Variants in INTS4 observed in about 807,000 individuals in gnomAD.
The protein encoded by INTS4 is integrator complex subunit 4.
INTS4 carries 70 observed loss-of-function variants against 119.5 expected under a neutral mutation model. That is an observed-to-expected ratio of 0.59 (90% confidence interval 0.48 to 0.71). The LOEUF (loss-of-function observed/expected upper bound fraction) is 0.71, where lower values mean the gene tolerates loss of function less well. Ranked by LOEUF, INTS4 falls within the 30% of genes least tolerant of loss-of-function variation. The pLI is 0.00. For missense variants in INTS4, 867 were observed against 1,173.2 expected, an observed-to-expected ratio of 0.74 and a Z score of 3.81; for synonymous variants, 316 against 419.6, an observed-to-expected ratio of 0.75 and a Z score of 3.02.
At chr11:77,913,579 G>A (rs1004623483) in intron 15 of INTS4, among the ~76,000 whole-genome samples, 2 of 152,136 alleles carry the variant, frequency 1.3e-5, no homozygotes, top group African/African-American at 4.8e-5. Context: ...CCAAAGTGTT[G>A]GGATTACAGG....
At chr11:77,889,018 A>G (rs979725508) in intron 21 of INTS4, among the ~76,000 whole-genome samples, 11 of 152,174 alleles carry the variant, frequency 7.2e-5, no homozygotes, top group African/African-American at 2.4e-4. Context: ...TCAGTGTGGC[A>G]ATTCCTCAGG....
At chr11:77,993,572 T>C (rs1204189486) in intron 1 of INTS4, among the ~76,000 whole-genome samples, 2 of 152,250 alleles carry the variant, frequency 1.3e-5, no homozygotes, top group Non-Finnish European at 2.9e-5. Context: ...GCTAATGTTC[T>C]TAATGCCACT....
chr11:77,964,463 A>G (rs2136595947), intron 4 of INTS4, among the ~76,000 whole-genome samples: 1 of 151,936 alleles, frequency 6.6e-6, no homozygotes, highest in South Asian at 2.1e-4. Context: ...AGTCCCAGCT[A>G]CTCGGGAGGC....
intron 4 of INTS4, among the ~76,000 whole-genome samples, chr11:77,967,662 A>T (rs548659152): frequency 5.3e-5 from 8 of 152,294 alleles, no homozygotes; most frequent in African/African-American, 9.6e-5. Context: ...GATGTTATAC[A>T]TTATGAGGGA....
intron 18 of INTS4, among the ~76,000 whole-genome samples, chr11:77,897,905 C>A (rs1232831494): frequency 6.6e-6 from 1 of 152,012 alleles, no homozygotes; most frequent in Non-Finnish European, 1.5e-5. Flanking sequence ...AACTCCTGGG[C>A]TCAAGGGATC....
chr11:77,877,448 G>A, downstream of INTS4, among the ~76,000 whole-genome samples: 1 of 152,154 alleles, frequency 6.6e-6, no homozygotes, highest in East Asian at 1.9e-4. Context: ...TCTACCAATT[G>A]TTATTTAATC....
rs747969884 is a variant in INTS4 at position 77,919,004 on chromosome 11, A to G, written c.1765-26T>C. 3 of 1,613,056 alleles carry G rather than the reference A, an allele frequency of 1.9e-6. No individual in the cohort carries two copies. In the South Asian group the frequency reaches 3.3e-5, roughly 18 times the overall value. The stretch of plus-strand genomic sequence containing the variant: ...CTAAGCAGAGTGGGATTACAGAGTC[A>G]TTAAGTTTGGTGGCTCAGCTTTTGG... On this transcript the variant is annotated intron_variant, in intron 14 of 22. Coordinates refer to ENST00000534064, the MANE Select transcript of INTS4 (RefSeq NM_033547.4).
At chr11:77,924,952 T>C in intron 11 of INTS4, 60 bp from the exon 12 acceptor site, 17 of 1,366,020 alleles carry the variant, frequency 1.2e-5, no homozygotes, top group East Asian at 2.4e-5. Context: ...TCAGCCTCTA[T>C]CTACCATCCC....
At chr11:77,918,678 A>T in intron 15 of INTS4, 143 bp downstream of exon 15, 1 of 1,117,290 alleles carries the variant, frequency 9.0e-7, no homozygotes, top group Non-Finnish European at 1.2e-6. Context: ...ATCTAATCCA[A>T]ATATAAACAG....
At chr11:77,921,827 T>G (rs1244329637) in intron 13 of INTS4, among the ~76,000 whole-genome samples, 1 of 152,110 alleles carries the variant, frequency 6.6e-6, no homozygotes, top group Non-Finnish European at 1.5e-5. Flanking sequence ...GGTCAGGAGT[T>G]TGAGACCAGC....
At chr11:77,892,457 G>A (rs1361993770) in intron 19 of INTS4, among the ~76,000 whole-genome samples, 2 of 152,094 alleles carry the variant, frequency 1.3e-5, no homozygotes, top group African/African-American at 4.8e-5. Context: ...AAGAACTTTG[G>A]GGATTCAGAG....
At chr11:77,927,728 C>T (rs1953542886) in intron 11 of INTS4, among the ~76,000 whole-genome samples, 4 of 152,102 alleles carry the variant, frequency 2.6e-5, no homozygotes, top group Admixed American at 2.6e-4. Context: ...CTATGATTCA[C>T]TACAAGAATA....
In INTS4 at chr11:77,924,744, C is replaced by T. The variant is rs1280952607; in HGVS notation, c.1514+6G>A. On this transcript the variant is annotated splice_donor_region_variant and intron_variant, in intron 12 of 22. Transcript: ENST00000534064. Reference sequence around the variant, plus strand: ...TCAGTGAGTAAATGGGCAAAAAAGTCATTACTTCCATATGGAGTCCCTATC... The same window carrying T: ...TCAGTGAGTAAATGGGCAAAAAAGTTATTACTTCCATATGGAGTCCCTATC... 1 of 1,605,082 alleles carries T rather than the reference C, an allele frequency of 6.2e-7. No individual in the cohort carries two copies. The highest frequency in any genetic ancestry group is 1.3e-5 in the African/African-American group (1 of 74,662).
intron 18 of INTS4, among the ~76,000 whole-genome samples, chr11:77,897,068 G>T (rs958876354): frequency 6.6e-6 from 1 of 151,916 alleles, no homozygotes; most frequent in East Asian, 1.9e-4. Flanking sequence ...CTGGTGTGGC[G>T]GGGGTTGCCC....
At chr11:77,919,317 G>A (rs1953282405) in intron 14 of INTS4, among the ~76,000 whole-genome samples, 1 of 151,186 alleles carries the variant, frequency 6.6e-6, no homozygotes, top group African/African-American at 2.4e-5. Flanking sequence ...TTTAGACAGA[G>A]TTTCACTCTT....
downstream of INTS4, chr11:77,877,081 G>A (rs1021277726): frequency 1.4e-6 from 1 of 701,982 alleles, no homozygotes; most frequent in African/African-American, 1.7e-5. Flanking sequence ...GCTCCCTGGA[G>A]TTAATCATTC....
At chr11:77,922,331 G>A in intron 13 of INTS4, 25 bp downstream of exon 13, 4 of 1,518,388 alleles carry the variant, frequency 2.6e-6, no homozygotes, top group South Asian at 1.3e-5. Context: ...AACACATCAG[G>A]GCCCATCCTA....
chr11:77,909,376 AG>A (rs1251424802), intron 15 of INTS4, among the ~76,000 whole-genome samples: 1 of 152,244 alleles, frequency 6.6e-6, no homozygotes, highest in Non-Finnish European at 1.5e-5. Flanking sequence ...ACAGTTGTAT[AG>A]GCTGGGAAGT....
chr11:77,901,570 T>G lies in INTS4; in HGVS notation c.2098-19A>C. 1 of 1,558,734 alleles carries G rather than the reference T, an allele frequency of 6.4e-7. No homozygotes were observed. On this transcript the variant is annotated intron_variant, in intron 17 of 22. Transcript: ENST00000534064. Reference sequence around the variant, plus strand: ...CCATAATCTATAAAGGAAAGATAATTAACAATCAATAAAAATATCATAGTC... The same window carrying G: ...CCATAATCTATAAAGGAAAGATAATGAACAATCAATAAAAATATCATAGTC...
Sources: gnomAD v4.1 joint callset for allele counts (sites outside exome capture counted in the v4.1 genomes callset) on GRCh38, gnomAD v4.1.1 for gene constraint, MANE v1.5 for transcripts, NCBI Gene and HGNC (gene_info 2026-07-23, HGNC 2026-07-21) for gene names.